The following DYM variants were observed in gnomAD, a reference collection of about 807,000 sequenced individuals.
DYM encodes dyggve-Melchior-Clausen syndrome protein.
A neutral mutation model predicts 93.1 loss-of-function variants in DYM; 78 were observed. The observed-to-expected ratio is 0.84, with a 90% CI of 0.70 to 1.01. DYM has a LOEUF of 1.01. Ranked by LOEUF, DYM falls within the 50% of genes least tolerant of loss-of-function variation. DYM has a pLI of 0.00. For missense variants in DYM, 789 were observed against 845.0 expected (o/e 0.93, Z 0.82); for synonymous variants, 321 against 319.7 (o/e 1.00, Z -0.04).
At chr18:49,071,801 G>A (rs2076911480) in intron 17 of DYM, among the ~76,000 whole-genome samples, 1 of 152,178 alleles carries the variant, frequency 6.6e-6, no homozygotes, top group African/African-American at 2.4e-5. Context: ...TAATGGCAGG[G>A]AGAGAAAGGA....
At chr18:49,144,918 G>T (rs1260470429) in intron 15 of DYM, among the ~76,000 whole-genome samples, 2 of 151,014 alleles carry the variant, frequency 1.3e-5, no homozygotes, top group Admixed American at 6.6e-5. Flanking sequence ...GCAACACAGT[G>T]GGACCCTGCT....
Position 49,110,110 on chromosome 18 carries a change from T to C in DYM, c.1911+8634A>G, listed in dbSNP as rs1010712674. 5.3e-5 allele frequency among the ~76,000 whole-genome samples: 8 copies of C among 152,258 alleles called. No homozygotes were observed. In the East Asian group the frequency reaches 9.6e-4, roughly 18 times the overall value. On this transcript the variant is annotated intron_variant, in intron 16 of 17. Transcript: ENST00000675505. ...ATAGCCATACCCACTTGTTTACACA[T>C]AGTCTATGGCTGCCATTGAATTACA...
chr18:49,387,868 G>A (rs1285971584), intron 3 of DYM, among the ~76,000 whole-genome samples: 1 of 151,904 alleles, frequency 6.6e-6, no homozygotes, highest in East Asian at 1.9e-4. Flanking sequence ...TTCCTTAGTT[G>A]AAATAAATGT....
chr18:49,056,486 A>C (rs1027518766), intron 17 of DYM, among the ~76,000 whole-genome samples: 1 of 152,120 alleles, frequency 6.6e-6, no homozygotes, highest in East Asian at 1.9e-4. Flanking sequence ...CAAAGATTGA[A>C]TCTCCATTAA....
intron 13 of DYM, among the ~76,000 whole-genome samples, chr18:49,242,947 G>A (rs1018741962): frequency 3.3e-5 from 5 of 152,090 alleles, no homozygotes; most frequent in Non-Finnish European, 7.3e-5. Flanking sequence ...TGATCCACCC[G>A]TCTCGGCCTC....
At chr18:49,084,866 G>A (rs548574378) in intron 17 of DYM, among the ~76,000 whole-genome samples, 14 of 152,250 alleles carry the variant, frequency 9.2e-5, no homozygotes, top group South Asian at 2.1e-4. Context: ...AAATATACAC[G>A]CAGATGGTAA....
At chr18:49,360,360 C>G (rs564551741) in intron 6 of DYM, among the ~76,000 whole-genome samples, 59 of 151,788 alleles carry the variant, frequency 3.9e-4, no homozygotes, top group Non-Finnish European at 6.6e-4. Flanking sequence ...CGTGGTGGCT[C>G]ATGCCTGTAA....
rs1179306136 is a variant in DYM, at chr18:49,376,306, G to C, written c.421+2261C>G. On this transcript the variant is annotated intron_variant, in intron 5 of 17. Transcript: ENST00000675505. ...GAACACTTACGAAACAAACTTAATT[G>C]TGATATTTTTAATTCAGTATGCTCT... Among the ~76,000 whole-genome samples, 4 of 152,110 alleles carry C rather than the reference G, an allele frequency of 2.6e-5. No homozygotes were observed. In the East Asian group the frequency reaches 7.7e-4, roughly 29 times the overall value.
chr18:49,206,816 G>C (rs183999086), intron 14 of DYM, among the ~76,000 whole-genome samples: 2 of 152,306 alleles, frequency 1.3e-5, no homozygotes, highest in Admixed American at 6.5e-5. Flanking sequence ...CCCCCTGGAG[G>C]CTTCATACTG....
chr18:49,288,596 T>C (rs1223554988), intron 8 of DYM, among the ~76,000 whole-genome samples: 3 of 151,944 alleles, frequency 2.0e-5, no homozygotes, highest in South Asian at 4.2e-4. Flanking sequence ...CTGGACAACA[T>C]GGTGAAACCC....
chr18:49,414,033 AAAGC>A (rs1215654321), intron 2 of DYM, among the ~76,000 whole-genome samples: 1 of 150,864 alleles, frequency 6.6e-6, no homozygotes, highest in Non-Finnish European at 1.5e-5. Flanking sequence ...AGAAAGAAAG[AAAGC>A]ATTATGCTAC....
At chr18:49,418,690 A>G (rs1056292707) in intron 2 of DYM, among the ~76,000 whole-genome samples, 1 of 152,200 alleles carries the variant, frequency 6.6e-6, no homozygotes. Context: ...GAACAATCTC[A>G]GAATTATCTA....
At chr18:49,258,229 T>C in intron 12 of DYM, 151 bp downstream of exon 12, 1 of 647,700 alleles carries the variant, frequency 1.5e-6, no homozygotes, top group Non-Finnish European at 2.8e-6. Context: ...TATGTTACAT[T>C]AGGATCATGT....
At chr18:49,342,175 A>G (rs912143079) in intron 6 of DYM, among the ~76,000 whole-genome samples, 1 of 152,076 alleles carries the variant, frequency 6.6e-6, no homozygotes, top group Non-Finnish European at 1.5e-5. Flanking sequence ...CTGGGTGTAA[A>G]CTGAGGGCAA....
intron 15 of DYM, among the ~76,000 whole-genome samples, chr18:49,142,105 C>T (rs1297147159): frequency 6.6e-6 from 1 of 151,846 alleles, no homozygotes; most frequent in Non-Finnish European, 1.5e-5. Context: ...TTGTGATCCG[C>T]CCACCTCGGT....
At chr18:49,092,233 T>C (rs1204222252) in intron 17 of DYM, among the ~76,000 whole-genome samples, 1 of 152,214 alleles carries the variant, frequency 6.6e-6, no homozygotes, top group East Asian at 1.9e-4. Context: ...GGAGTCCTAT[T>C]GTTCCAGTTG....
At chr18:49,335,684 C>T (rs1447359285) in intron 6 of DYM, among the ~76,000 whole-genome samples, 1 of 152,162 alleles carries the variant, frequency 6.6e-6, no homozygotes, top group African/African-American at 2.4e-5. Context: ...AGTCTCCTGG[C>T]TAGGCTTTTC....
rs910573270 is a variant in DYM, at chr18:49,326,881, A to G, written c.763+4983T>C. 4.6e-5 allele frequency among the ~76,000 whole-genome samples: 7 copies of G among 152,190 alleles called. 1 individual carries two copies. Among genetic ancestry groups the G allele is most frequent in the Non-Finnish European group, 8.8e-5 (6 of 68,044 alleles). ...GCTAAATTTACTGAAGCTGGTAAGT[A>G]TACTGTGGTAGCATAAGCGATATCC... On this transcript the variant is annotated intron_variant, in intron 8 of 17. Transcript: ENST00000675505.
intron 14 of DYM, among the ~76,000 whole-genome samples, chr18:49,205,287 C>T (rs1312667589): frequency 6.6e-6 from 1 of 152,092 alleles, no homozygotes; most frequent in African/African-American, 2.4e-5. Context: ...TAAATAAGAA[C>T]AAATGTAAAG....
Sources: allele counts gnomAD v4.1 joint callset (sites outside exome capture counted in the v4.1 genomes callset), GRCh38; gene constraint gnomAD v4.1.1; transcripts MANE v1.5; gene names NCBI Gene and HGNC (gene_info 2026-07-23, HGNC 2026-07-21).